GZF1: variants seen among roughly 807,000 people sequenced by gnomAD.
GZF1 encodes GDNF-inducible zinc finger protein 1.
In GZF1, 28 loss-of-function variants were observed where a neutral mutation model predicts 49.4. The observed-to-expected ratio is 0.57, with a 90% CI of 0.42 to 0.78. GZF1 has a LOEUF of 0.78. GZF1 is among the 30% of genes least tolerant of loss of function. GZF1 has a pLI of 0.00. For synonymous variants in GZF1, 364 were observed against 356.0 expected (o/e 1.02, Z -0.25); for missense variants, 798 against 916.2 (o/e 0.87, Z 1.67).
chr20:23,364,308 T>G (rs1235490302), intron 1 of GZF1, 55 bp from the exon 2 acceptor site: 1 of 997,906 alleles, frequency 1.0e-6, no homozygotes. Context: ...CTCATAAATT[T>G]TAGTCCTTTT....
rs369155120 is a variant in GZF1, at chr20:23,364,915, A to T, written c.532A>T (p.Thr178Ser). The T allele has an allele frequency of 2.5e-6, 4 of 1,614,104 alleles. No individual in the cohort carries two copies. Among genetic ancestry groups the T allele is most frequent in the Non-Finnish European group, 3.4e-6 (4 of 1,180,048 alleles). The change falls in exon 2 of 6, where the codon ACG becomes TCG. Residue 178 changes from threonine to serine, a missense_variant. Around this residue, in one of 3 missense-constraint regions of GZF1, gnomAD observed 247 missense variants for 228.5 expected, o/e 1.08. Transcript: ENST00000338121. ...ATDGPHPSGLTDSLDYPGERA... is the reference protein window; with the variant it reads ...ATDGPHPSGLSDSLDYPGERA... The stretch of plus-strand genomic sequence containing the variant: ...CGATGGCCCTCACCCCAGTGGTCTC[A>T]CGGATTCCTTGGACTACCCAGGAGA...
rs749425557 is a variant in GZF1, at chr20:23,371,638, T to C, written c.*1197T>C. ...ACGATTCTGCTGTATTTGTTAAACG[T>C]TGACATTTGGTTCTAGGGCCTTGAG... is the stretch of plus-strand genomic sequence containing the variant. On this transcript the variant is annotated 3_prime_UTR_variant, in exon 6 of 6. Coordinates refer to ENST00000338121, the MANE Select transcript of GZF1 (RefSeq NM_022482.5). 2.6e-5 allele frequency: 4 copies of C among 152,642 alleles called. No homozygotes were observed. Among genetic ancestry groups the C allele is most frequent in the Admixed American group, 6.5e-5 (1 of 15,290 alleles). 9.5% of individuals were successfully genotyped at this position (152,642 alleles called of 1,614,324 possible).
Position 23,365,057 on chromosome 20 carries a change from G to A in GZF1, c.674G>A (p.Arg225Lys), listed in dbSNP as rs776781782. 2 of 1,614,134 alleles carry A rather than the reference G, an allele frequency of 1.2e-6. No individual in the cohort carries two copies. The highest frequency in any genetic ancestry group is 1.7e-6 in the Non-Finnish European group (2 of 1,180,044). The change falls in exon 2 of 6, where the codon AGG becomes AAG. Residue 225 changes from arginine to lysine, a missense_variant. Coordinates refer to ENST00000338121, the MANE Select transcript of GZF1 (RefSeq NM_022482.5). ...CCTAAAATCAGGAGAGCTAGTGGAA[G>A]GCTGGCTGGGAGGAAGGTCTTTGTG... Reference protein sequence around the residue: ...PYPKIRRASGRLAGRKVFVEI... With the variant: ...PYPKIRRASGKLAGRKVFVEI...
intron 3 of GZF1, among the ~76,000 whole-genome samples, 184 bp from the exon 4 acceptor site, chr20:23,368,578 A>G (rs1019341355): frequency 2.0e-5 from 3 of 152,224 alleles, no homozygotes; most frequent in East Asian, 1.9e-4. Context: ...TTTTACACCA[A>G]CTTTCAGTAA....
Position 23,365,556 on chromosome 20 carries a change from C to T in GZF1, c.1173C>T (p.Asp391=), listed in dbSNP as rs750920437. ...LCGKKFKRKK[D]VKRHVLQVHE... is the part of the protein sequence containing the mutation. ...GGAAGAAGTTCAAGCGCAAGAAGGA[C>T]GTGAAGCGGCACGTGCTGCAGGTGC... The change falls in exon 2 of 6, where the codon GAC becomes GAT. Residue 391 remains aspartate, a synonymous_variant. Coordinates refer to ENST00000338121, the MANE Select transcript of GZF1 (RefSeq NM_022482.5). 1.9e-6 allele frequency: 3 copies of T among 1,612,618 alleles called. No homozygotes were observed. Among genetic ancestry groups the T allele is most frequent in the East Asian group, 2.2e-5 (1 of 44,874 alleles).
In GZF1 at chr20:23,364,977, G is replaced by A. The variant is rs780756101; in HGVS notation, c.594G>A (p.Pro198=). 1.5e-5 allele frequency: 24 copies of A among 1,614,076 alleles called. No homozygotes were observed. The highest frequency in any genetic ancestry group is 1.6e-4 in the Middle Eastern group (1 of 6,084). ...ATGGCATGTCTTCAGATTTGCCACC[G>A]AAGAAGTCCAAGGACAAACTAGACA... ...ASNGMSSDLP[P]KKSKDKLDKK... Residue 198 remains proline, a synonymous_variant, in exon 2 of 6, where the codon CCG becomes CCA. Coordinates refer to ENST00000338121, the MANE Select transcript of GZF1 (RefSeq NM_022482.5).
intron 5 of GZF1, 52 bp from the exon 6 acceptor site, chr20:23,370,039 G>T: frequency 1.4e-6 from 2 of 1,439,516 alleles, no homozygotes; most frequent in Admixed American, 1.8e-5. Flanking sequence ...TTTAAAAGAT[G>T]CACTTGTCCA....
At position 23,365,727 on chromosome 20, in the gene GZF1, CGCGCTCAAG is replaced by C; in HGVS notation, c.1345_1353del (p.Ala449_Lys451del). 6.5e-7 allele frequency: 1 copy of C among 1,546,222 alleles called. No homozygotes were observed. Among genetic ancestry groups the C allele is most frequent in the Non-Finnish European group, 8.7e-7 (1 of 1,151,360 alleles). ...GCGGCGCCAGGTTCTCGCAGCCGTC[CGCGCTCAAG>C]ACGCACATGAGGTACGCGGGGAGCC... is the stretch of plus-strand genomic sequence containing the variant. On this transcript the variant is annotated inframe_deletion, in exon 2 of 6. Transcript: ENST00000338121.
rs763976929 is a variant in GZF1, at chr20:23,365,103, T to C, written c.720T>C (p.Tyr240=). The change falls in exon 2 of 6, where the codon TAT becomes TAC. Residue 240 remains tyrosine (Y), a synonymous_variant. Transcript: ENST00000338121. ...TTGTGGAGATCCCTAAAAAGAAATA[T>C]ACGAGAAGACTCCGAGAGCAGCAGA... ...KVFVEIPKKK[Y]TRRLREQQKT... 2 of 1,613,902 alleles carry C rather than the reference T, an allele frequency of 1.2e-6. No individual in the cohort carries two copies. The highest frequency in any genetic ancestry group is 1.1e-5 in the South Asian group (1 of 91,080).
chr20:23,361,883 TC>T (rs1460557265), upstream of GZF1, among the ~76,000 whole-genome samples: 1 of 152,206 alleles, frequency 6.6e-6, no homozygotes, highest in Admixed American at 6.5e-5. Flanking sequence ...ACGTGACTTT[TC>T]GCGACTGGCC....
upstream of GZF1, among the ~76,000 whole-genome samples, chr20:23,361,960 CGCGGCGGGTGACGCAAT>C (rs1021547743): frequency 6.6e-5 from 10 of 152,304 alleles, no homozygotes; most frequent in Admixed American, 1.3e-4. Flanking sequence ...GGCCTTGGCT[CGCGGCGGGTGACGCAAT>C]GCGGCGGGTG....
chr20:23,368,886 T>G lies in GZF1; in HGVS notation c.1584T>G (p.Phe528Leu). The G allele has an allele frequency of 6.2e-7, 1 of 1,613,978 alleles. No homozygotes were observed. The highest frequency in any genetic ancestry group is 8.5e-7 in the Non-Finnish European group (1 of 1,179,904). Residue 528 changes from phenylalanine (F) to leucine (L), a missense_variant, in exon 4 of 6, where the codon TTT (phenylalanine) becomes TTG (leucine). Phe to Leu is a conservative substitution (Grantham distance 22). Around this residue, in one of 3 missense-constraint regions of GZF1, gnomAD observed 446 missense variants for 540.1 expected, o/e 0.83. Coordinates refer to ENST00000338121, the MANE Select transcript of GZF1 (RefSeq NM_022482.5). ...AATGTGAAGTATGTTTCAGGACTTT[T>G]GCCCAGCGGAATTCACTGTACCAGC... ...PFKCEVCFRT[F>L]AQRNSLYQHI...
Position 23,370,355 on chromosome 20 carries a change from GCCA to G in GZF1, c.2057_2059del (p.Thr686del), listed in dbSNP as rs756254875. ...CGTGGTGTCCCAGGACACCCTCCTG[GCCA>G]CCACCATCAGTGAGCTTAGCGAGCT... On this transcript the variant is annotated inframe_deletion, in exon 6 of 6. Transcript: ENST00000338121. The G allele has an allele frequency of 9.3e-6, 15 of 1,614,030 alleles. No homozygotes were observed. The highest frequency in any genetic ancestry group is 1.7e-4 in the Middle Eastern group (1 of 6,060).
At position 23,371,318 on chromosome 20, in the gene GZF1, T is replaced by C. The variant is rs550311189; in HGVS notation, c.*877T>C. On this transcript the variant is annotated 3_prime_UTR_variant, in exon 6 of 6. Transcript: ENST00000338121. Reference sequence around the variant, plus strand: ...AAAATGAGGTGACTGTGGCAAATTATAGAACACAGAGTATTATTACTTTTG... The same window carrying C: ...AAAATGAGGTGACTGTGGCAAATTACAGAACACAGAGTATTATTACTTTTG... 18 of 152,758 alleles carry C rather than the reference T, an allele frequency of 1.2e-4. No individual in the cohort carries two copies. The highest frequency in any genetic ancestry group is 4.3e-4 in the African/African-American group (18 of 41,574). The allele number at this position is 152,758 out of a possible 1,614,324, so 9.5% of individuals were successfully genotyped here. A position where few individuals can be genotyped will look rare whatever the true frequency, so the allele number is the denominator to read the frequency against.
At position 23,365,337 on chromosome 20, in the gene GZF1, G is replaced by A. The variant is rs6114068; in HGVS notation, c.954G>A (p.Lys318=). Residue 318 remains lysine, a synonymous_variant, in exon 2 of 6, where the codon AAG becomes AAA. Transcript: ENST00000338121. ...GGGAGAAGAAGAAGAGCAACTTTAA[G>A]TGCAGCATTTGCGAGAAGGCGTTTC... The part of the protein sequence containing the change: ...EEGEKKKSNF[K]CSICEKAFLY... The A allele has an allele frequency of 6.2e-7, 1 of 1,610,780 alleles. No homozygotes were observed. The highest frequency in any genetic ancestry group is 2.2e-5 in the East Asian group (1 of 44,844).
At position 23,370,480 on chromosome 20, in the gene GZF1, T is replaced by A; in HGVS notation, c.*39T>A. The A allele has an allele frequency of 7.7e-7, 1 of 1,301,548 alleles. No homozygotes were observed. The highest frequency in any genetic ancestry group is 1.1e-6 in the Non-Finnish European group (1 of 907,578). 80.6% of individuals were successfully genotyped at this position (1,301,548 alleles called of 1,614,324 possible). A position where few individuals can be genotyped will look rare whatever the true frequency, so the allele number is the denominator to read the frequency against. On this transcript the variant is annotated 3_prime_UTR_variant, in exon 6 of 6. Transcript: ENST00000338121. ...TTCCCATCCTGTTAGTCTGCGTGTG[T>A]GGTAGCTGAACTCAAGATGATGTGG...
In GZF1 at chr20:23,369,572, T is replaced by C. The variant is rs775295089; in HGVS notation, c.1628-12T>C. ...AGGGACCCACCAGCAGTCTCCTCTC[T>C]CCCTGCCTCAGGGGAGCGTCCCTAC... On this transcript the variant is annotated splice_polypyrimidine_tract_variant and intron_variant, in intron 4 of 5. Coordinates refer to ENST00000338121, the MANE Select transcript of GZF1 (RefSeq NM_022482.5). The C allele has an allele frequency of 4.4e-6, 7 of 1,602,790 alleles. No individual in the cohort carries two copies. The highest frequency in any genetic ancestry group is 1.7e-5 in the Admixed American group (1 of 58,596).
At position 23,372,200 on chromosome 20, in the gene GZF1, C is replaced by A. The variant is rs1192414415; in HGVS notation, c.*1759C>A. The A allele has an allele frequency of 6.6e-6, 1 of 152,430 alleles. No homozygotes were observed. Among genetic ancestry groups the A allele is most frequent in the Non-Finnish European group, 1.5e-5 (1 of 68,000 alleles). 9.4% of individuals were successfully genotyped at this position (152,430 alleles called of 1,614,324 possible). A position where few individuals can be genotyped will look rare whatever the true frequency, so the allele number is the denominator to read the frequency against. On this transcript the variant is annotated 3_prime_UTR_variant, in exon 6 of 6. Transcript: ENST00000338121. ...AGGGATTTTTGTCTTGAATTTGTTT[C>A]CTTAGAAATTCTACAAAAAAATGTT...
Position 23,365,497 on chromosome 20 carries a change from A to C in GZF1, c.1114A>C (p.Ser372Arg). The change falls in exon 2 of 6, where the codon AGC becomes CGC. Residue 372 changes from serine to arginine, a missense_variant. Ser to Arg is a moderately radical substitution (Grantham distance 110). Coordinates refer to ENST00000338121, the MANE Select transcript of GZF1 (RefSeq NM_022482.5). Reference sequence around the variant, plus strand: ...GAAGAGCCACCAGCGCCACGTGCACAGCAGCGAGCGCCATTTCCCATGCGA... The same window carrying C: ...GAAGAGCCACCAGCGCCACGTGCACCGCAGCGAGCGCCATTTCCCATGCGA... ...NLKSHQRHVH[S>R]SERHFPCELC... is the part of the protein sequence containing the mutation. 1 of 1,613,830 alleles carries C rather than the reference A, an allele frequency of 6.2e-7. No individual in the cohort carries two copies.
Sources: gnomAD v4.1 joint callset for allele counts (sites outside exome capture counted in the v4.1 genomes callset) on GRCh38, gnomAD v4.1.1 for gene constraint, gnomAD v4.1.1 regional missense constraint, MANE v1.5 for transcripts, NCBI Gene and HGNC (gene_info 2026-07-23, HGNC 2026-07-21) for gene names.